The following NFATC3 variants were observed in gnomAD, a reference collection of about 807,000 sequenced individuals.
NFATC3 encodes nuclear factor of activated T cells 3, also known as nuclear factor of activated T-cells, cytoplasmic 3.
NFATC3 carries 46 observed loss-of-function variants against 98.6 expected under a neutral mutation model. The observed-to-expected ratio is 0.47, with a 90% CI of 0.37 to 0.60. The LOEUF (loss-of-function observed/expected upper bound fraction) is 0.60, where lower values mean the gene tolerates loss of function less well. Ranked by LOEUF, NFATC3 falls within the 20% of genes least tolerant of loss-of-function variation. NFATC3 has a pLI of 0.00. For synonymous variants in NFATC3, 512 were observed against 472.2 expected (o/e 1.08, Z -1.09); for missense variants, 1,256 against 1,295.5 (o/e 0.97, Z 0.47).
At chr16:68,206,976 T>C (rs1006415709) in intron 9 of NFATC3, among the ~76,000 whole-genome samples, 16 of 142,196 alleles carry the variant, frequency 1.1e-4, no homozygotes, top group African/African-American at 4.2e-4. Context: ...AGACCCTGTC[T>C]CAAAAAAAGT....
chr16:68,088,361 A>T lies in NFATC3; in HGVS notation c.103+2577A>T, dbSNP rs569224257. 4.8e-5 allele frequency among the ~76,000 whole-genome samples: 7 copies of T among 147,186 alleles called. No homozygotes were observed. In the South Asian group the frequency reaches 1.0e-3, roughly 22 times the overall value. ...ATATAACATATATTATATATAAAAT[A>T]CATATATATTTACATATATAATGTA... On this transcript the variant is annotated intron_variant, in intron 1 of 9. Coordinates refer to ENST00000346183, the MANE Select transcript of NFATC3 (RefSeq NM_173165.3).
At chr16:68,223,269 C>A (rs980430093) in intron 9 of NFATC3, among the ~76,000 whole-genome samples, 1 of 152,194 alleles carries the variant, frequency 6.6e-6, no homozygotes, top group South Asian at 2.1e-4. Flanking sequence ...GGCACAATGG[C>A]TCATGCCTGT....
intron 9 of NFATC3, among the ~76,000 whole-genome samples, chr16:68,203,003 G>A (rs899504367): frequency 6.6e-6 from 1 of 152,136 alleles, no homozygotes; most frequent in African/African-American, 2.4e-5. Flanking sequence ...CTTTTGGGAA[G>A]CATACATGTA....
At chr16:68,176,265 C>T (rs1010442548) in intron 6 of NFATC3, among the ~76,000 whole-genome samples, 3 of 152,142 alleles carry the variant, frequency 2.0e-5, no homozygotes, top group Non-Finnish European at 4.4e-5. Flanking sequence ...CGTGAGCTAC[C>T]GCACCCGGCT....
At chr16:68,221,294 T>TGAACCCAGAGCCCCCAGCCC (rs1256709791) in intron 9 of NFATC3, 1 of 1,613,524 alleles carries the variant, frequency 6.2e-7, no homozygotes, top group Non-Finnish European at 8.5e-7. Context: ...GGTGAGAGCC[T>TGAACCCAGAGCCCCCAGCCC]GAACCCAGAG....
At chr16:68,213,942 A>C (rs2041526559) in intron 9 of NFATC3, among the ~76,000 whole-genome samples, 1 of 152,228 alleles carries the variant, frequency 6.6e-6, no homozygotes, top group African/African-American at 2.4e-5. Context: ...TAAAACATTC[A>C]GGAGTTTATA....
intron 9 of NFATC3, among the ~76,000 whole-genome samples, chr16:68,212,044 T>G (rs2041427395): frequency 1.3e-5 from 2 of 152,210 alleles, no homozygotes; most frequent in Non-Finnish European, 2.9e-5. Context: ...CTTATGATTT[T>G]TATGCTGCTG....
chr16:68,114,582 T>TC, intron 1 of NFATC3, among the ~76,000 whole-genome samples: 2 of 151,726 alleles, frequency 1.3e-5, no homozygotes, highest in Non-Finnish European at 2.9e-5. Context: ...AGCACTTTTT[T>TC]TTTTTTTTTT....
chr16:68,150,883 C>T lies in NFATC3; in HGVS notation c.1402-6986C>T, dbSNP rs1416198337. On this transcript the variant is annotated intron_variant, in intron 3 of 9. Transcript: ENST00000346183. ...GGTAGTTTTTCCTGTATTCATTCTCCCTCCTGCCACCTTGTGAAGAAGGTG... is the reference window on the plus strand; with the variant it reads ...GGTAGTTTTTCCTGTATTCATTCTCTCTCCTGCCACCTTGTGAAGAAGGTG... Among the ~76,000 whole-genome samples the T allele has an allele frequency of 3.9e-5, 6 of 152,218 alleles. No individual in the cohort carries two copies. In the East Asian group the frequency reaches 7.7e-4, roughly 20 times the overall value.
At chr16:68,186,624 T>G (rs192742283) in intron 8 of NFATC3, among the ~76,000 whole-genome samples, 1 of 152,340 alleles carries the variant, frequency 6.6e-6, no homozygotes, top group East Asian at 1.9e-4. Context: ...TCTTCCAGAT[T>G]CCTTTGATCC....
chr16:68,156,145 T>C (rs2038602214), intron 3 of NFATC3, among the ~76,000 whole-genome samples: 1 of 152,008 alleles, frequency 6.6e-6, no homozygotes, highest in South Asian at 2.1e-4. Flanking sequence ...ATCTCGTCTC[T>C]ACTAAAAATA....
intron 1 of NFATC3, among the ~76,000 whole-genome samples, chr16:68,106,023 C>T (rs1282542521): frequency 6.6e-6 from 1 of 151,882 alleles, no homozygotes; most frequent in African/African-American, 2.4e-5. Context: ...GGATTACCAC[C>T]ACGCCAGGCT....
At position 68,210,310 on chromosome 16, in the gene NFATC3, AG is replaced by A. The variant is rs1262736748; in HGVS notation, c.3107-16039del. Among the ~76,000 whole-genome samples, 704 of 144,126 alleles carry A rather than the reference AG, an allele frequency of 4.9e-3. 8 individuals carry two copies. Among genetic ancestry groups the A allele is most frequent in the African/African-American group, 0.018 (665 of 37,062 alleles). The allele number at this position is 144,126 out of a possible 152,430, so 94.6% of individuals were successfully genotyped here. ...GAGATTCCTTCTCAAAAAAAAAAAA[AG>A]AAAAAAAAAAAGAATACAAAAAATT... On this transcript the variant is annotated intron_variant, in intron 9 of 9. Transcript: ENST00000346183.
At chr16:68,177,996 C>T (rs2039794046) in intron 6 of NFATC3, among the ~76,000 whole-genome samples, 2 of 152,108 alleles carry the variant, frequency 1.3e-5, no homozygotes, top group South Asian at 2.1e-4. Flanking sequence ...TTGTTGTTAT[C>T]TGGTTCTCAC....
chr16:68,097,811 GATATAGTGAAC>G (rs1288013676), intron 1 of NFATC3, among the ~76,000 whole-genome samples: 1 of 152,176 alleles, frequency 6.6e-6, no homozygotes, highest in Non-Finnish European at 1.5e-5. Context: ...ACTTTTACCA[GATATAGTGAAC>G]ATATCCGCGA....
chr16:68,186,399 G>C lies in NFATC3; in HGVS notation c.2098+3033G>C, dbSNP rs189354739. Among the ~76,000 whole-genome samples, 45 of 152,178 alleles carry C rather than the reference G, an allele frequency of 3.0e-4. No homozygotes were observed. In the East Asian group the frequency reaches 8.5e-3, roughly 29 times the overall value. ...CTAAAAATACAAAAAAATGAGCCGG[G>C]CGTGGTGTCGTGAGCCTGTAGTCCC... On this transcript the variant is annotated intron_variant, in intron 8 of 9. Coordinates refer to ENST00000346183, the MANE Select transcript of NFATC3 (RefSeq NM_173165.3).
At position 68,226,270 on chromosome 16, in the gene NFATC3, T is replaced by A; in HGVS notation, c.3107-80T>A. On this transcript the variant is annotated intron_variant, in intron 9 of 9. Coordinates refer to ENST00000346183, the MANE Select transcript of NFATC3 (RefSeq NM_173165.3). ...AGAAAGCCATGGGAAGGGAAATGTC[T>A]GAGGTAGAGCTCAGCGTTGGGCATC... 2.0e-6 allele frequency: 3 copies of A among 1,480,818 alleles called. No homozygotes were observed. The South Asian group carries it at 4.1e-5, about 20-fold the overall frequency. 91.7% of individuals were successfully genotyped at this position (1,480,818 alleles called of 1,614,324 possible).
intron 3 of NFATC3, among the ~76,000 whole-genome samples, chr16:68,134,384 T>C (rs528180436): frequency 2.6e-5 from 4 of 152,260 alleles, no homozygotes; most frequent in Admixed American, 6.5e-5. Flanking sequence ...GCCCAGTGTC[T>C]GCCACTTGCT....
chr16:68,200,500 A>G lies in NFATC3; in HGVS notation c.3106+8725A>G, dbSNP rs1598579464. 6 of 151,706 alleles carry G rather than the reference A, an allele frequency of 4.0e-5. No individual in the cohort carries two copies. In the South Asian group the frequency reaches 1.0e-3, roughly 26 times the overall value. 9.4% of individuals were successfully genotyped at this position (151,706 alleles called of 1,614,324 possible). A position where few individuals can be genotyped will look rare whatever the true frequency, so the allele number is the denominator to read the frequency against. Reference sequence around the variant, plus strand: ...GAGATGATTTCGGTGCCTCATACCAATTTTCCAAGCTCAGAAGAATCCCAG... The same window carrying G: ...GAGATGATTTCGGTGCCTCATACCAGTTTTCCAAGCTCAGAAGAATCCCAG... On this transcript the variant is annotated intron_variant, in intron 9 of 9. Transcript: ENST00000346183.
Sources: gnomAD v4.1 joint callset for allele counts (sites outside exome capture counted in the v4.1 genomes callset) on GRCh38, gnomAD v4.1.1 for gene constraint, MANE v1.5 for transcripts, NCBI Gene and HGNC (gene_info 2026-07-23, HGNC 2026-07-21) for gene names.